COX7B2: variants seen among roughly 807,000 people sequenced by gnomAD.
The protein encoded by COX7B2 is cytochrome c oxidase subunit 7B2, mitochondrial.
For synonymous variants in COX7B2, 37 were observed against 32.1 expected, an observed-to-expected ratio of 1.15 and a Z score of -0.51; for missense variants, 109 against 95.9, an observed-to-expected ratio of 1.14 and a Z score of -0.57.
intron 2 of COX7B2, among the ~76,000 whole-genome samples, chr4:46,843,662 C>G (rs1192578976): frequency 6.6e-6 from 1 of 151,946 alleles, no homozygotes; most frequent in African/African-American, 2.4e-5. Context: ...CTACTGCAAA[C>G]AGTTCACAAT....
At chr4:46,770,584 TC>T (rs1437917300) in intron 2 of COX7B2, among the ~76,000 whole-genome samples, 1 of 152,006 alleles carries the variant, frequency 6.6e-6, no homozygotes, top group African/African-American at 2.4e-5. Context: ...ACCATAAAGG[TC>T]TACTAATCAA....
At chr4:46,772,763 A>G (rs1174271037) in intron 2 of COX7B2, among the ~76,000 whole-genome samples, 1 of 152,132 alleles carries the variant, frequency 6.6e-6, no homozygotes, top group East Asian at 1.9e-4. Flanking sequence ...GTTTCAGATG[A>G]TCAAATCATA....
intron 1 of COX7B2, among the ~76,000 whole-genome samples, chr4:46,877,516 G>A (rs556388967): frequency 6.6e-6 from 1 of 152,124 alleles, no homozygotes; most frequent in Non-Finnish European, 1.5e-5. Flanking sequence ...ATGTATCTTA[G>A]GAATTAAGCT....
Position 46,735,242 on chromosome 4 carries a change from C to A in COX7B2, c.-49-1G>T. The A allele has an allele frequency of 6.2e-7, 1 of 1,601,908 alleles. No homozygotes were observed. The highest frequency in any genetic ancestry group is 1.1e-5 in the South Asian group (1 of 89,026). ...ACTGGTCTATTTTGTTGCAAAGAGG[C>A]TGGAAAGAGAGAAAAGATATGCATT... On this transcript the variant is annotated splice_acceptor_variant, in intron 2 of 2. Transcript: ENST00000355591. LOFTEE classifies it low-confidence loss of function (5UTR_SPLICE).
intron 2 of COX7B2, among the ~76,000 whole-genome samples, chr4:46,788,713 A>G (rs1334684608): frequency 6.6e-6 from 1 of 152,222 alleles, no homozygotes; most frequent in African/African-American, 2.4e-5. Context: ...AAATGAGGAT[A>G]ATGATCAAAG....
intron 2 of COX7B2, among the ~76,000 whole-genome samples, chr4:46,770,455 T>A (rs531237101): frequency 6.6e-6 from 1 of 152,260 alleles, no homozygotes; most frequent in African/African-American, 2.4e-5. Flanking sequence ...TCTACCAAAA[T>A]TCCAATGGCA....
intron 2 of COX7B2, among the ~76,000 whole-genome samples, chr4:46,775,094 T>A (rs1717081902): frequency 6.6e-6 from 1 of 152,118 alleles, no homozygotes; most frequent in Admixed American, 6.6e-5. Context: ...TTCTAGACAT[T>A]GTAAGTGATA....
At chr4:46,846,436 G>A (rs981907148) in intron 1 of COX7B2, among the ~76,000 whole-genome samples, 12 of 151,572 alleles carry the variant, frequency 7.9e-5, no homozygotes, top group Non-Finnish European at 1.8e-4. Flanking sequence ...ACACAGGAAG[G>A]AAAAAAAATA....
chr4:46,752,508 A>G (rs1470829144), intron 2 of COX7B2, among the ~76,000 whole-genome samples: 1 of 151,288 alleles, frequency 6.6e-6, no homozygotes. Flanking sequence ...ATTTTCAAGC[A>G]GAGTGCTTCC....
At chr4:46,769,000 A>G (rs1716714931) in intron 2 of COX7B2, among the ~76,000 whole-genome samples, 1 of 152,212 alleles carries the variant, frequency 6.6e-6, no homozygotes, top group South Asian at 2.1e-4. Context: ...ATCAATACTG[A>G]ATTATGAAGA....
At chr4:46,868,335 T>C (rs900332561) in intron 1 of COX7B2, among the ~76,000 whole-genome samples, 1 of 152,168 alleles carries the variant, frequency 6.6e-6, no homozygotes, top group African/African-American at 2.4e-5. Flanking sequence ...CTGGATACAT[T>C]GAACTTTTGA....
chr4:46,797,438 T>C (rs1438126729), intron 2 of COX7B2, among the ~76,000 whole-genome samples: 2 of 152,194 alleles, frequency 1.3e-5, no homozygotes, highest in African/African-American at 2.4e-5. Context: ...CATCCTATAG[T>C]TATTTCTCAA....
chr4:46,828,673 A>G (rs1470437421), intron 2 of COX7B2, among the ~76,000 whole-genome samples: 6 of 152,194 alleles, frequency 3.9e-5, no homozygotes. Flanking sequence ...AGTAAATCAT[A>G]AGAAAATTAT....
chr4:46,791,158 C>A (rs1175322700), intron 2 of COX7B2, among the ~76,000 whole-genome samples: 4 of 151,674 alleles, frequency 2.6e-5, no homozygotes, highest in African/African-American at 9.7e-5. Flanking sequence ...GCCACCACAT[C>A]TGGCTAATTT....
At chr4:46,760,578 G>A (rs554068602) in intron 2 of COX7B2, among the ~76,000 whole-genome samples, 1 of 152,208 alleles carries the variant, frequency 6.6e-6, no homozygotes, top group East Asian at 1.9e-4. Context: ...GTCTGGGGGA[G>A]GGATAGCATT....
At chr4:46,782,813 A>C (rs1717553255) in intron 2 of COX7B2, among the ~76,000 whole-genome samples, 1 of 152,138 alleles carries the variant, frequency 6.6e-6, no homozygotes, top group South Asian at 2.1e-4. Flanking sequence ...TTCACTACTG[A>C]AGTCAGCGAG....
chr4:46,764,322 A>G (rs1433780945), intron 2 of COX7B2, among the ~76,000 whole-genome samples: 1 of 151,962 alleles, frequency 6.6e-6, no homozygotes, highest in Non-Finnish European at 1.5e-5. Flanking sequence ...AGGCGGGTGG[A>G]TCACCTGAGG....
At chr4:46,812,095 A>G (rs1487449390) in intron 2 of COX7B2, among the ~76,000 whole-genome samples, 1 of 152,192 alleles carries the variant, frequency 6.6e-6, no homozygotes, top group Non-Finnish European at 1.5e-5. Context: ...GCACTATAAT[A>G]TAATACAGTA....
At chr4:46,822,820 T>TA (rs934593345) in intron 2 of COX7B2, among the ~76,000 whole-genome samples, 3 of 152,008 alleles carry the variant, frequency 2.0e-5, no homozygotes, top group Non-Finnish European at 4.4e-5. Flanking sequence ...TTCCAATACA[T>TA]AAAAAATAAT....
Sources: gnomAD v4.1 joint callset for allele counts (sites outside exome capture counted in the v4.1 genomes callset) on GRCh38, gnomAD v4.1.1 for gene constraint, MANE v1.5 for transcripts, NCBI Gene and HGNC (gene_info 2026-07-23, HGNC 2026-07-21) for gene names.